The following CNKSR3 variants were observed in gnomAD, a reference collection of about 807,000 sequenced individuals.
The protein encoded by CNKSR3 is CNKSR family member 3.
CNKSR3 carries 36 observed loss-of-function variants against 67.7 expected under a neutral mutation model. The ratio of observed to expected loss-of-function variants is 0.53; its 90% CI spans 0.41 to 0.70. The LOEUF is 0.70. Ranked by LOEUF, CNKSR3 falls within the 30% of genes least tolerant of loss-of-function variation. CNKSR3 has a pLI of 0.00. For synonymous variants in CNKSR3, 281 were observed against 271.4 expected, an observed-to-expected ratio of 1.04 and a Z score of -0.35; for missense variants, 630 against 695.2, an observed-to-expected ratio of 0.91 and a Z score of 1.05.
chr6:154,428,045 C>CT, intron 7 of CNKSR3, 83 bp downstream of exon 7: 1 of 889,286 alleles, frequency 1.1e-6, no homozygotes, highest in Middle Eastern at 2.2e-4. Flanking sequence ...AGCATGCACA[C>CT]GTTTAAATTC....
Position 154,422,908 on chromosome 6 carries a change from A to C in CNKSR3, c.798+7T>G. The C allele has an allele frequency of 1.9e-6, 3 of 1,600,732 alleles. No individual in the cohort carries two copies. Among genetic ancestry groups the C allele is most frequent in the Non-Finnish European group, 2.6e-6 (3 of 1,171,966 alleles). On this transcript the variant is annotated splice_region_variant and intron_variant, in intron 8 of 12. Coordinates refer to ENST00000607772, the MANE Select transcript of CNKSR3 (RefSeq NM_173515.4). ...GAGGAAAATTGAGCCTCAATAAACA[A>C]ACTCACCACAGTTTGCTGATTAACT... is the stretch of plus-strand genomic sequence containing the variant.
chr6:154,432,165 G>A (rs1112134), intron 5 of CNKSR3, among the ~76,000 whole-genome samples: 62,245 of 152,058 alleles, frequency 0.41, 13,169 homozygotes, highest in Non-Finnish European at 0.47. Context: ...CCTCAGCAGC[G>A]TTTGGTGTTG....
intron 7 of CNKSR3, among the ~76,000 whole-genome samples, chr6:154,426,644 C>T (rs574048586): frequency 5.3e-5 from 8 of 152,232 alleles, no homozygotes; most frequent in African/African-American, 1.4e-4. Context: ...CGTGAGCCAC[C>T]GCACCCGGCC....
intron 1 of CNKSR3, among the ~76,000 whole-genome samples, chr6:154,475,898 C>T (rs976173783): frequency 3.9e-5 from 6 of 152,164 alleles, no homozygotes; most frequent in Admixed American, 3.3e-4. Context: ...TACAGTAACA[C>T]CTCACCTCAC....
chr6:154,509,480 G>C (rs542411404), intron 1 of CNKSR3, among the ~76,000 whole-genome samples: 1 of 151,884 alleles, frequency 6.6e-6, no homozygotes, highest in Non-Finnish European at 1.5e-5. Context: ...CTCCCGGGGA[G>C]TCCTGGCTCG....
chr6:154,505,127 A>G (rs1286191383), intron 1 of CNKSR3, among the ~76,000 whole-genome samples: 1 of 151,534 alleles, frequency 6.6e-6, no homozygotes, highest in African/African-American at 2.4e-5. Flanking sequence ...ACTGGAATCA[A>G]GGTAACAGAA....
At chr6:154,506,898 C>T (rs1038479312) in intron 1 of CNKSR3, among the ~76,000 whole-genome samples, 2 of 152,154 alleles carry the variant, frequency 1.3e-5, no homozygotes, top group Non-Finnish European at 2.9e-5. Context: ...CTATTCAGAC[C>T]GAATCCTGAA....
At chr6:154,509,141 G>A (rs1447317385) in intron 1 of CNKSR3, among the ~76,000 whole-genome samples, 1 of 151,788 alleles carries the variant, frequency 6.6e-6, no homozygotes, top group Non-Finnish European at 1.5e-5. Context: ...GGGGGTGGGG[G>A]GAAACCATGA....
rs1784640913 is a variant in CNKSR3, at chr6:154,394,655, A to G, written c.*11699T>C. 6.6e-6 allele frequency: 1 copy of G among 151,846 alleles called. No homozygotes were observed. Among genetic ancestry groups the G allele is most frequent in the Non-Finnish European group, 1.5e-5 (1 of 67,982 alleles). 9.4% of individuals were successfully genotyped at this position (151,846 alleles called of 1,614,324 possible). A position where few individuals can be genotyped will look rare whatever the true frequency, so the allele number is the denominator to read the frequency against. On this transcript the variant is annotated 3_prime_UTR_variant, in exon 13 of 13. Transcript: ENST00000607772. ...AAAAAAGAAGAATTCCAAAGGAAAC[A>G]GAAGAAAATAGAAAATAAAAAGCAG...
At chr6:154,457,439 G>A (rs181211205) in intron 1 of CNKSR3, among the ~76,000 whole-genome samples, 1 of 152,286 alleles carries the variant, frequency 6.6e-6, no homozygotes, top group Admixed American at 6.5e-5. Flanking sequence ...CCAGCAGTGG[G>A]CCAGATGCAG....
chr6:154,449,993 T>A (rs891869492), intron 2 of CNKSR3, 102 bp downstream of exon 2: 1 of 1,109,022 alleles, frequency 9.0e-7, no homozygotes, highest in Admixed American at 2.5e-5. Context: ...TGATGGAGCA[T>A]TAAGGAAAGA....
chr6:154,467,406 C>T (rs1320167788), intron 1 of CNKSR3, among the ~76,000 whole-genome samples: 1 of 152,158 alleles, frequency 6.6e-6, no homozygotes, highest in Non-Finnish European at 1.5e-5. Context: ...TGTAACACTC[C>T]CTCATGGAGG....
At chr6:154,427,041 G>A (rs987826756) in intron 7 of CNKSR3, among the ~76,000 whole-genome samples, 1 of 152,182 alleles carries the variant, frequency 6.6e-6, no homozygotes. Flanking sequence ...TCTAGGAGGT[G>A]ACATGGTATA....
chr6:154,397,273 T>TTTC lies in CNKSR3; in HGVS notation c.*9078_*9080dup, dbSNP rs1277874385. 6.6e-6 allele frequency: 1 copy of TTTC among 152,234 alleles called. No individual in the cohort carries two copies. Among genetic ancestry groups the TTTC allele is most frequent in the Non-Finnish European group, 1.5e-5 (1 of 68,050 alleles). 9.4% of individuals were successfully genotyped at this position (152,234 alleles called of 1,614,324 possible). A position where few individuals can be genotyped will look rare whatever the true frequency, so the allele number is the denominator to read the frequency against. On this transcript the variant is annotated 3_prime_UTR_variant, in exon 13 of 13. Transcript: ENST00000607772. ...GGAGAAATCTGCAGAAGGGTAGCAC[T>TTTC]TTCTAGTAAAACATAGTACTCTAAA...
At position 154,411,069 on chromosome 6, in the gene CNKSR3, C is replaced by T. The variant is rs1784901432; in HGVS notation, c.1144G>A (p.Glu382Lys). 1 of 1,614,104 alleles carries T rather than the reference C, an allele frequency of 6.2e-7. No homozygotes were observed. Among genetic ancestry groups the T allele is most frequent in the Non-Finnish European group, 8.5e-7 (1 of 1,179,994 alleles). ...KQPLPGPKGS[E>K]SPNSFLDQES... ...TGGTCCAAGAAGGAATTCGGGGACT[C>T]TGAACCCTTAGGACCAGGCAATGGT... is the stretch of plus-strand genomic sequence containing the variant. Residue 382 changes from glutamate (E) to lysine (K), a missense_variant, in exon 11 of 13, where the codon GAG (glutamate) becomes AAG (lysine). By Grantham distance (56) the Glu-to-Lys change is moderately conservative. Transcript: ENST00000607772.
At chr6:154,431,126 A>G (rs1384658962) in intron 5 of CNKSR3, among the ~76,000 whole-genome samples, 1 of 152,024 alleles carries the variant, frequency 6.6e-6, no homozygotes, top group Non-Finnish European at 1.5e-5. Flanking sequence ...AACATCTTGT[A>G]CTAGGTGTGG....
At chr6:154,441,494 T>C in intron 3 of CNKSR3, 115 bp from the exon 4 acceptor site, 1 of 767,678 alleles carries the variant, frequency 1.3e-6, no homozygotes, top group Non-Finnish European at 2.2e-6. Flanking sequence ...TTTTGTTTTG[T>C]TTTGTTTGAG....
At chr6:154,441,837 C>A (rs1305883345) in intron 3 of CNKSR3, among the ~76,000 whole-genome samples, 1 of 152,088 alleles carries the variant, frequency 6.6e-6, no homozygotes, top group Non-Finnish European at 1.5e-5. Flanking sequence ...AATGTTTAAT[C>A]TCAGTAAAAC....
chr6:154,415,228 A>ATTTTTTTTTTTTTTTTTTTTTT lies in CNKSR3; in HGVS notation c.946-806_946-805insAAAAAAAAAAAAAAAAAAAAAA, dbSNP rs35873703. 1.2e-3 allele frequency among the ~76,000 whole-genome samples: 147 copies of ATTTTTTTTTTTTTTTTTTTTTT among 118,100 alleles called. 10 individuals carry two copies. The highest frequency in any genetic ancestry group is 3.5e-3 in the African/African-American group (106 of 30,264). 77.5% of individuals were successfully genotyped at this position (118,100 alleles called of 152,430 possible). On this transcript the variant is annotated intron_variant, in intron 9 of 12. Coordinates refer to ENST00000607772, the MANE Select transcript of CNKSR3 (RefSeq NM_173515.4). Reference sequence around the variant, plus strand: ...TCCTGGCTAGACTTACTAGCTGCCCATTTTTTTTTTTTTTTTTTTTAAGAT... The same window carrying ATTTTTTTTTTTTTTTTTTTTTT: ...TCCTGGCTAGACTTACTAGCTGCCCATTTTTTTTTTTTTTTTTTTTTTTTTTTTTTTTTTTTTTTTTTAAGAT...
Sources: gnomAD v4.1 joint callset for allele counts (sites outside exome capture counted in the v4.1 genomes callset) on GRCh38, gnomAD v4.1.1 for gene constraint, MANE v1.5 for transcripts, NCBI Gene and HGNC (gene_info 2026-07-23, HGNC 2026-07-21) for gene names.